Variants in TBXAS1 observed in about 807,000 individuals in gnomAD.
TBXAS1 encodes thromboxane-A synthase.
Under a neutral mutation model 60.7 loss-of-function variants are expected in TBXAS1, and 48 were observed. The ratio of observed to expected loss-of-function variants is 0.79; its 90% CI spans 0.63 to 1.01. The LOEUF (loss-of-function observed/expected upper bound fraction) is 1.01. Ranked by LOEUF, TBXAS1 falls within the 50% of genes least tolerant of loss-of-function variation. The pLI is 0.00. For synonymous variants in TBXAS1, 287 were observed against 269.7 expected (o/e 1.06, Z -0.63); for missense variants, 685 against 686.3 (o/e 1.00, Z 0.02).
At chr7:139,878,161 AAGAG>A (rs759389996) in intron 3 of TBXAS1, among the ~76,000 whole-genome samples, 5 of 149,314 alleles carry the variant, frequency 3.3e-5, no homozygotes, top group South Asian at 2.1e-4. Flanking sequence ...GACAGAGAAA[AAGAG>A]AGAGAGAGAA....
chr7:139,949,683 A>T (rs1398249527), intron 5 of TBXAS1, among the ~76,000 whole-genome samples: 4 of 152,282 alleles, frequency 2.6e-5, no homozygotes, highest in Non-Finnish European at 5.9e-5. Flanking sequence ...CTAAGAATAA[A>T]TCAGGATAGT....
intron 3 of TBXAS1, among the ~76,000 whole-genome samples, chr7:139,888,743 G>C (rs953686374): frequency 6.6e-6 from 1 of 152,192 alleles, no homozygotes; most frequent in African/African-American, 2.4e-5. Flanking sequence ...GGCTGAGATA[G>C]AAAGAAGAAG....
At chr7:139,990,485 C>G (rs971864565) in intron 9 of TBXAS1, among the ~76,000 whole-genome samples, 1 of 152,138 alleles carries the variant, frequency 6.6e-6, no homozygotes, top group East Asian at 1.9e-4. Flanking sequence ...CAGCCAGCCT[C>G]GAGCACCTGT....
chr7:140,020,254 C>T lies in TBXAS1; in HGVS notation c.*155C>T, dbSNP rs747322108. ...TTCTTTACATAACATTTCCTAAATG[C>T]TTAATAAACGTTTGTTGCACTTGGT... is the stretch of plus-strand genomic sequence containing the variant. On this transcript the variant is annotated 3_prime_UTR_variant, in exon 13 of 13. Coordinates refer to ENST00000448866, the MANE Select transcript of TBXAS1 (RefSeq NM_001061.7). 3.6e-5 allele frequency: 28 copies of T among 779,360 alleles called. No individual in the cohort carries two copies. The Middle Eastern group carries it at 1.3e-3, about 37-fold the overall frequency. The allele number at this position is 779,360 out of a possible 1,614,324, so 48.3% of individuals were successfully genotyped here.
intron 4 of TBXAS1, among the ~76,000 whole-genome samples, chr7:139,804,596 T>A (rs1367622931): frequency 1.3e-5 from 2 of 152,196 alleles, no homozygotes; most frequent in Non-Finnish European, 2.9e-5. Flanking sequence ...AATCTCATCT[T>A]GAATTGTAGC....
chr7:139,827,800 G>T (rs549188873), upstream of TBXAS1, among the ~76,000 whole-genome samples: 15 of 152,310 alleles, frequency 9.8e-5, no homozygotes, highest in African/African-American at 3.4e-4. Flanking sequence ...GGAGCCGGAA[G>T]ACAGGGCCCC....
intron 9 of TBXAS1, among the ~76,000 whole-genome samples, chr7:139,993,413 G>C (rs1028474023): frequency 2.6e-5 from 4 of 152,190 alleles, no homozygotes; most frequent in African/African-American, 7.2e-5. Flanking sequence ...TGTAAGCGAA[G>C]TCCCTGAGGC....
intron 4 of TBXAS1, among the ~76,000 whole-genome samples, chr7:139,802,454 T>C (rs1270807828): frequency 5.3e-5 from 8 of 152,158 alleles, no homozygotes; most frequent in Admixed American, 5.2e-4. Flanking sequence ...GTTCTCGTGA[T>C]AGTGAATAAG....
chr7:139,858,474 CAG>C (rs1449341860), intron 1 of TBXAS1, among the ~76,000 whole-genome samples: 9 of 152,170 alleles, frequency 5.9e-5, no homozygotes, highest in Non-Finnish European at 1.3e-4. Context: ...TGACAGGTGA[CAG>C]GGGATGCCTC....
At chr7:139,847,816 GTTGTTTGT>G (rs376353146) in intron 1 of TBXAS1, among the ~76,000 whole-genome samples, 72 of 152,184 alleles carry the variant, frequency 4.7e-4, no homozygotes, top group African/African-American at 1.6e-3. Flanking sequence ...TGCAATATTT[GTTGTTTGT>G]TTGTTTGTTT....
intron 9 of TBXAS1, among the ~76,000 whole-genome samples, chr7:139,978,455 C>T (rs1308826352): frequency 1.3e-5 from 2 of 150,740 alleles, no homozygotes; most frequent in Admixed American, 6.6e-5. Context: ...GGTTGCAGTT[C>T]GCTGAGATTG....
intron 3 of TBXAS1, among the ~76,000 whole-genome samples, chr7:139,877,753 G>C (rs1400018755): frequency 2.1e-5 from 2 of 95,728 alleles, no homozygotes; most frequent in Non-Finnish European, 4.3e-5. Context: ...TTTTTGAGAC[G>C]GAGTCTCGCT....
At chr7:139,819,569 C>T (rs376081247) in intron 4 of TBXAS1, among the ~76,000 whole-genome samples, 20 of 152,306 alleles carry the variant, frequency 1.3e-4, no homozygotes, top group African/African-American at 4.1e-4. Context: ...GTGGCACTAT[C>T]TTGGCTCACT....
chr7:139,929,469 G>A (rs1324885534), intron 4 of TBXAS1, among the ~76,000 whole-genome samples: 1 of 152,152 alleles, frequency 6.6e-6, no homozygotes, highest in African/African-American at 2.4e-5. Flanking sequence ...ATAGGAATGA[G>A]TCAGGGTGGA....
At chr7:139,928,905 T>G (rs1807089205) in intron 4 of TBXAS1, among the ~76,000 whole-genome samples, 1 of 152,182 alleles carries the variant, frequency 6.6e-6, no homozygotes, top group Middle Eastern at 3.2e-3. Flanking sequence ...TGAAGTCCAG[T>G]CAACAGGGCT....
At chr7:139,967,027 A>C (rs937178959) in intron 9 of TBXAS1, among the ~76,000 whole-genome samples, 1 of 152,190 alleles carries the variant, frequency 6.6e-6, no homozygotes, top group Non-Finnish European at 1.5e-5. Flanking sequence ...CCCAGGTCTG[A>C]AGTCCTCACT....
chr7:139,862,051 A>G (rs1435361811), intron 1 of TBXAS1, among the ~76,000 whole-genome samples: 18 of 152,216 alleles, frequency 1.2e-4, no homozygotes, highest in Admixed American at 1.2e-3. Context: ...TGTGGTTGCA[A>G]TGGTGATGTA....
At chr7:139,952,728 T>TA (rs928147176) in intron 5 of TBXAS1, 25 of 1,479,574 alleles carry the variant, frequency 1.7e-5, no homozygotes, top group Admixed American at 5.0e-5. Flanking sequence ...ATTTTCCTAT[T>TA]AAAAAAAAGA....
intron 3 of TBXAS1, among the ~76,000 whole-genome samples, chr7:139,877,498 C>CCAGTCTATTGCTTTTTAAAGG (rs1391313633): frequency 6.6e-6 from 1 of 151,436 alleles, no homozygotes. Context: ...TCTCAGCTCA[C>CCAGTCTATTGCTTTTTAAAGG]TGCAACCTCT....
Sources: gnomAD v4.1 joint callset for allele counts (sites outside exome capture counted in the v4.1 genomes callset) on GRCh38, gnomAD v4.1.1 for gene constraint, MANE v1.5 for transcripts, NCBI Gene and HGNC (gene_info 2026-07-23, HGNC 2026-07-21) for gene names.